Variants in FMN2 observed in about 807,000 individuals in gnomAD.
FMN2 encodes the protein formin 2.
A neutral mutation model predicts 142.3 loss-of-function variants in FMN2; 51 were observed. The observed-to-expected ratio is 0.36, with a 90% CI of 0.29 to 0.45. The LOEUF is 0.45. Ranked by LOEUF, FMN2 falls within the 20% of genes least tolerant of loss-of-function variation. The pLI is 1.00. For missense variants in FMN2, 1,936 were observed against 2,122.8 expected (o/e 0.91, Z 1.73); for synonymous variants, 882 against 869.8 (o/e 1.01, Z -0.25).
intron 8 of FMN2, among the ~76,000 whole-genome samples, chr1:240,328,254 G>A (rs1484857947): frequency 6.8e-6 from 1 of 147,608 alleles, no homozygotes; most frequent in Non-Finnish European, 1.5e-5. Flanking sequence ...TTTCCCCCAA[G>A]TACAAAAATC....
chr1:240,459,658 A>G (rs1187010219), intron 16 of FMN2, among the ~76,000 whole-genome samples: 1 of 131,426 alleles, frequency 7.6e-6, no homozygotes, highest in Non-Finnish European at 1.6e-5. Flanking sequence ...TGGAAGTTGC[A>G]GTGAGCTGCT....
chr1:240,185,734 G>A (rs1255508649), intron 3 of FMN2, among the ~76,000 whole-genome samples: 6 of 152,214 alleles, frequency 3.9e-5, no homozygotes, highest in African/African-American at 1.2e-4. Context: ...GTACCACCAG[G>A]AGAGCCTTTA....
In FMN2 at chr1:240,122,075, A is replaced by ATTT. The variant is rs1553327489; in HGVS notation, c.1616-1104_1616-1103insTTT. On this transcript the variant is annotated intron_variant, in intron 1 of 17. Coordinates refer to ENST00000319653, the MANE Select transcript of FMN2 (RefSeq NM_020066.5). The stretch of plus-strand genomic sequence containing the variant: ...CTTTTGGATCCAAAATTAATTAATT[A>ATTT]ATTTATTTATTTATTTATGAATTAT... Among the ~76,000 whole-genome samples the ATTT allele has an allele frequency of 2.4e-3, 356 of 146,682 alleles. 3 individuals carry two copies. In the Middle Eastern group the frequency reaches 0.025, roughly 10 times the overall value.
At position 240,472,417 on chromosome 1, in the gene FMN2, A is replaced by G. The variant is rs1355968634; in HGVS notation, c.5106A>G (p.Ser1702=). The change falls in exon 17 of 18, where the codon TCA becomes TCG. Residue 1702 remains serine, a synonymous_variant. Coordinates refer to ENST00000319653, the MANE Select transcript of FMN2 (RefSeq NM_020066.5). ...TGTGTAGACAGAAGAAAGGAAAATC[A>G]CTTTATAAAATAAAACCAAGACATG... ...EEVCRQKKGK[S]LYKIKPRHDS... is the part of the protein sequence containing the mutation. The G allele has an allele frequency of 1.2e-6, 2 of 1,612,222 alleles. No individual in the cohort carries two copies. Among genetic ancestry groups the G allele is most frequent in the Admixed American group, 3.4e-5 (2 of 59,678 alleles).
At chr1:240,430,658 T>C (rs1029759416) in intron 15 of FMN2, among the ~76,000 whole-genome samples, 6 of 151,316 alleles carry the variant, frequency 4.0e-5, no homozygotes, top group Non-Finnish European at 8.8e-5. Context: ...TTTTTTTTTA[T>C]TGGAGTAAGG....
intron 14 of FMN2, 75 bp downstream of exon 14, chr1:240,355,983 A>G: frequency 3.8e-6 from 3 of 783,270 alleles, no homozygotes; most frequent in East Asian, 3.2e-5. Context: ...AAAAAAAAAA[A>G]AAAGCTACAA....
intron 8 of FMN2, among the ~76,000 whole-genome samples, chr1:240,299,243 T>C (rs1025224673): frequency 1.3e-5 from 2 of 152,144 alleles, no homozygotes; most frequent in Admixed American, 6.6e-5. Flanking sequence ...CCACCACACA[T>C]GGCCTGAGTT....
intron 14 of FMN2, among the ~76,000 whole-genome samples, chr1:240,381,204 A>T (rs1268930768): frequency 6.6e-6 from 1 of 152,148 alleles, no homozygotes; most frequent in African/African-American, 2.4e-5. Context: ...AGAACACAAC[A>T]ACAGAAACAA....
intron 1 of FMN2, among the ~76,000 whole-genome samples, chr1:240,106,931 G>A (rs530749844): frequency 2.6e-4 from 39 of 151,538 alleles, no homozygotes; most frequent in Admixed American, 4.6e-4. Context: ...TGATCTGCCC[G>A]CCTCAGCCTC....
chr1:240,434,856 G>GT (rs58393858), intron 15 of FMN2, among the ~76,000 whole-genome samples: 60 of 144,924 alleles, frequency 4.1e-4, no homozygotes, highest in South Asian at 6.6e-4. Flanking sequence ...CAGGCTGCTT[G>GT]TTTTTTTTTT....
At chr1:240,256,934 A>C (rs1246552659) in intron 6 of FMN2, among the ~76,000 whole-genome samples, 2 of 152,172 alleles carry the variant, frequency 1.3e-5, no homozygotes, top group Non-Finnish European at 2.9e-5. Flanking sequence ...TGATTATTTT[A>C]TTACTATCCT....
At chr1:240,300,077 T>G (rs913728401) in intron 8 of FMN2, among the ~76,000 whole-genome samples, 4 of 152,204 alleles carry the variant, frequency 2.6e-5, no homozygotes, top group African/African-American at 9.6e-5. Context: ...GAATATGTGC[T>G]TACATGTTCC....
chr1:240,110,738 G>A (rs1661779757), intron 1 of FMN2, among the ~76,000 whole-genome samples: 1 of 152,000 alleles, frequency 6.6e-6, no homozygotes, highest in South Asian at 2.1e-4. Context: ...TGATTAATAA[G>A]TCCCCGACTC....
intron 7 of FMN2, among the ~76,000 whole-genome samples, chr1:240,265,599 A>G (rs1300431426): frequency 1.3e-5 from 2 of 152,128 alleles, no homozygotes; most frequent in Admixed American, 1.3e-4. Flanking sequence ...TTATGAGAAA[A>G]TATATTTCTG....
intron 6 of FMN2, among the ~76,000 whole-genome samples, chr1:240,244,775 G>A (rs60556029): frequency 0.35 from 53,416 of 151,970 alleles, 9,425 homozygotes; most frequent in Middle Eastern, 0.47. Flanking sequence ...CTTTTCAGAA[G>A]GTTGAGCAGG....
At position 240,468,325 on chromosome 1, in the gene FMN2, C is replaced by T. The variant is rs572112370; in HGVS notation, c.5061-4047C>T. 8.0e-4 allele frequency among the ~76,000 whole-genome samples: 122 copies of T among 152,218 alleles called. 1 individual carries two copies. The South Asian group carries it at 0.024, about 30-fold the overall frequency. Reference sequence around the variant, plus strand: ...GCACACACACATATATACATATGCACACACACATATATACGTATATATATC... The same window carrying T: ...GCACACACACATATATACATATGCATACACACATATATACGTATATATATC... On this transcript the variant is annotated intron_variant, in intron 16 of 17. Coordinates refer to ENST00000319653, the MANE Select transcript of FMN2 (RefSeq NM_020066.5).
intron 15 of FMN2, among the ~76,000 whole-genome samples, chr1:240,433,616 C>A (rs143527600): frequency 6.6e-6 from 1 of 152,316 alleles, no homozygotes; most frequent in East Asian, 1.9e-4. Context: ...TCAGAAGTTA[C>A]TATACATCCT....
chr1:240,273,137 T>C (rs1423767503), intron 7 of FMN2, among the ~76,000 whole-genome samples: 1 of 152,184 alleles, frequency 6.6e-6, no homozygotes, highest in African/African-American at 2.4e-5. Context: ...GAAATTCTTA[T>C]GAATTAAGTT....
chr1:240,170,991 C>A, intron 2 of FMN2: 1 of 809,780 alleles, frequency 1.2e-6, no homozygotes, highest in South Asian at 1.4e-5. Context: ...ATGTCAAGGT[C>A]GTGAGAGCAG....
Sources: gnomAD v4.1 joint callset for allele counts (sites outside exome capture counted in the v4.1 genomes callset) on GRCh38, gnomAD v4.1.1 for gene constraint, MANE v1.5 for transcripts, NCBI Gene and HGNC (gene_info 2026-07-23, HGNC 2026-07-21) for gene names.